The following DNM2 variants were observed in gnomAD, a reference collection of about 807,000 sequenced individuals.
DNM2 encodes dynamin-2.
In DNM2, 15 loss-of-function variants were observed where a neutral mutation model predicts 99.0. The ratio of observed to expected loss-of-function variants is 0.15; its 90% confidence interval spans 0.10 to 0.23. The LOEUF (loss-of-function observed/expected upper bound fraction) is 0.23, where lower values mean the gene tolerates loss of function less well. DNM2 is among the 10% of genes least tolerant of loss of function. DNM2 has a pLI of 1.00. For synonymous variants in DNM2, 525 were observed against 481.2 expected, an observed-to-expected ratio of 1.09 and a Z score of -1.19; for missense variants, 742 against 1,189.4, an observed-to-expected ratio of 0.62 and a Z score of 5.53.
chr19:10,829,423 A>C (rs1360624801), intron 19 of DNM2, among the ~76,000 whole-genome samples, 155 bp downstream of exon 19: 1 of 152,024 alleles, frequency 6.6e-6, no homozygotes, highest in Non-Finnish European at 1.5e-5. Flanking sequence ...CTGAGGCCGG[A>C]GGAGGGAGAG....
chr19:10,827,666 CTG>C (rs902149371), intron 18 of DNM2, among the ~76,000 whole-genome samples: 3 of 150,786 alleles, frequency 2.0e-5, no homozygotes, highest in Non-Finnish European at 4.4e-5. Context: ...GGTCAAGAGA[CTG>C]AGACCATCCT....
At chr19:10,757,224 C>T (rs2070420932) in intron 1 of DNM2, among the ~76,000 whole-genome samples, 1 of 152,092 alleles carries the variant, frequency 6.6e-6, no homozygotes, top group African/African-American at 2.4e-5. Flanking sequence ...TCATGCAGTC[C>T]AGGCTGCAAG....
At chr19:10,721,303 C>T (rs538072195) in intron 1 of DNM2, among the ~76,000 whole-genome samples, 5 of 152,180 alleles carry the variant, frequency 3.3e-5, no homozygotes, top group African/African-American at 9.6e-5. Flanking sequence ...ATTACAGGCG[C>T]GCGTTACCAC....
Position 10,831,476 on chromosome 19 carries a change from T to G in DNM2, c.*429T>G. 1.0e-6 allele frequency: 1 copy of G among 990,748 alleles called. No individual in the cohort carries two copies. Among genetic ancestry groups the G allele is most frequent in the Non-Finnish European group, 1.2e-6 (1 of 833,330 alleles). 61.4% of individuals were successfully genotyped at this position (990,748 alleles called of 1,614,324 possible). A position where few individuals can be genotyped will look rare whatever the true frequency, so the allele number is the denominator to read the frequency against. On this transcript the variant is annotated 3_prime_UTR_variant, in exon 21 of 21. Coordinates refer to ENST00000389253, the MANE Select transcript of DNM2 (RefSeq NM_001005361.3). The surrounding 1 kb of genome is among the most constrained non-coding windows in gnomAD (Gnocchi z 4.3). ...TGCTGGGGTGCAGGGGTATATCAACTTCCCATTAGCAGGAGCTCCCCAGCG... is the reference window on the plus strand; with the variant it reads ...TGCTGGGGTGCAGGGGTATATCAACGTCCCATTAGCAGGAGCTCCCCAGCG...
chr19:10,813,386 G>C (rs775828678), intron 15 of DNM2, among the ~76,000 whole-genome samples: 2 of 152,210 alleles, frequency 1.3e-5, no homozygotes, highest in African/African-American at 2.4e-5. Flanking sequence ...CATAATGTTT[G>C]ACATATTTAT....
In DNM2 at chr19:10,730,755, G is replaced by A. The variant is rs952760927; in HGVS notation, c.161+12352G>A. Reference sequence around the variant, plus strand: ...CGAGGGCTGTAAGATGGGGCTAGCAGCGTCCCCTCCAGGGTGGGAGTGAGG... The same window carrying A: ...CGAGGGCTGTAAGATGGGGCTAGCAACGTCCCCTCCAGGGTGGGAGTGAGG... On this transcript the variant is annotated intron_variant, in intron 1 of 20. Coordinates refer to ENST00000389253, the MANE Select transcript of DNM2 (RefSeq NM_001005361.3). Among the ~76,000 whole-genome samples the A allele has an allele frequency of 3.3e-5, 5 of 152,330 alleles. No individual in the cohort carries two copies. The East Asian group carries it at 9.7e-4, about 29-fold the overall frequency.
intron 3 of DNM2, among the ~76,000 whole-genome samples, chr19:10,774,730 T>G (rs2071093576): frequency 6.8e-6 from 1 of 146,184 alleles, no homozygotes; most frequent in South Asian, 2.1e-4. Flanking sequence ...GGCCTATGCT[T>G]TTTTTTTTTT....
intron 16 of DNM2, among the ~76,000 whole-genome samples, chr19:10,822,382 G>T (rs192688384): frequency 2.9e-3 from 437 of 151,560 alleles, no homozygotes; most frequent in African/African-American, 0.01. Flanking sequence ...TAGAGATGGG[G>T]GTGTTGCTGT....
intron 1 of DNM2, among the ~76,000 whole-genome samples, chr19:10,724,278 C>T (rs534507060): frequency 3.3e-5 from 5 of 152,140 alleles, no homozygotes; most frequent in South Asian, 2.1e-4. Context: ...CCCAGGTTCA[C>T]GCCATTCTCT....
In DNM2 at chr19:10,718,144, G is replaced by C; in HGVS notation, c.-99G>C. ...GCGGGCGTCTTGCCGAGGCCCGGGC[G>C]GGCGGGGAGCAACGGCTACAGACGC... On this transcript the variant is annotated 5_prime_UTR_variant, in exon 1 of 21. Transcript: ENST00000389253. 8.1e-7 allele frequency: 1 copy of C among 1,232,994 alleles called. No homozygotes were observed. Among genetic ancestry groups the C allele is most frequent in the Non-Finnish European group, 1.0e-6 (1 of 979,450 alleles). 76.4% of individuals were successfully genotyped at this position (1,232,994 alleles called of 1,614,324 possible). A position where few individuals can be genotyped will look rare whatever the true frequency, so the allele number is the denominator to read the frequency against.
intron 1 of DNM2, among the ~76,000 whole-genome samples, chr19:10,737,568 C>T (rs1177680765): frequency 1.3e-5 from 2 of 152,146 alleles, no homozygotes; most frequent in African/African-American, 4.8e-5. Context: ...TCACTGCAAC[C>T]TCTGCTTCCC....
At chr19:10,745,909 G>A (rs2145787041) in intron 1 of DNM2, among the ~76,000 whole-genome samples, 1 of 152,316 alleles carries the variant, frequency 6.6e-6, no homozygotes, top group South Asian at 2.1e-4. Context: ...GAAGCAGGAG[G>A]CCAGCATGTG....
At chr19:10,756,411 C>A (rs887100932) in intron 1 of DNM2, among the ~76,000 whole-genome samples, 72 of 152,174 alleles carry the variant, frequency 4.7e-4, no homozygotes, top group African/African-American at 1.7e-3. Context: ...AGGTTCGCTC[C>A]TTTTCATGCA....
intron 1 of DNM2, among the ~76,000 whole-genome samples, chr19:10,732,028 C>A (rs1299398146): frequency 6.7e-6 from 1 of 150,102 alleles, no homozygotes; most frequent in East Asian, 2.0e-4. Context: ...AATCTCGGCT[C>A]GCTGCAACCT....
At chr19:10,725,386 C>G (rs59214302) in intron 1 of DNM2, among the ~76,000 whole-genome samples, 12,594 of 148,786 alleles carry the variant, frequency 0.085, 554 homozygotes, top group African/African-American at 0.11. Flanking sequence ...GAGGAACTTG[C>G]AGTAAGCGGA....
chr19:10,759,593 G>A lies in DNM2; in HGVS notation c.162-145G>A, dbSNP rs1599494859. On this transcript the variant is annotated intron_variant, in intron 1 of 20. Transcript: ENST00000389253. ...GGCCTCAGGACCCTCCAAGACCAGA[G>A]CATTCCCCAGGGCCCAGCTGGGGTT... is the stretch of plus-strand genomic sequence containing the variant. 7.6e-6 allele frequency: 7 copies of A among 922,374 alleles called. No individual in the cohort carries two copies. The East Asian group carries it at 1.7e-4, about 22-fold the overall frequency. 57.1% of individuals were successfully genotyped at this position (922,374 alleles called of 1,614,324 possible). A position where few individuals can be genotyped will look rare whatever the true frequency, so the allele number is the denominator to read the frequency against.
rs2073221685 is a variant in DNM2 at position 10,828,415 on chromosome 19, GTC to G, written c.2059-617_2059-616del. On this transcript the variant is annotated intron_variant, in intron 18 of 20. Coordinates refer to ENST00000389253, the MANE Select transcript of DNM2 (RefSeq NM_001005361.3). ...ATCCTGGCTAACAGGGTGAAACCCT[GTC>G]TCTACTAAAAATACAAAAAATAAGC... 4.6e-5 allele frequency among the ~76,000 whole-genome samples: 7 copies of G among 151,244 alleles called. No homozygotes were observed. The East Asian group carries it at 1.4e-3, about 30-fold the overall frequency.
chr19:10,721,763 T>A (rs1257076350), intron 1 of DNM2, among the ~76,000 whole-genome samples: 1 of 152,208 alleles, frequency 6.6e-6, no homozygotes, highest in Admixed American at 6.5e-5. Flanking sequence ...TTCAGCCCTA[T>A]AGCTGGAAGT....
At chr19:10,721,330 T>C (rs1360837601) in intron 1 of DNM2, among the ~76,000 whole-genome samples, 1 of 152,150 alleles carries the variant, frequency 6.6e-6, no homozygotes, top group African/African-American at 2.4e-5. Flanking sequence ...CTAATTTTTG[T>C]ATTTTTAGCA....
Sources: allele counts gnomAD v4.1 joint callset (sites outside exome capture counted in the v4.1 genomes callset), GRCh38; gene constraint gnomAD v4.1.1; non-coding constraint Gnocchi (gnomAD v3.1); transcripts MANE v1.5; gene names NCBI Gene and HGNC (gene_info 2026-07-23, HGNC 2026-07-21).